The following TASP1 variants were observed in gnomAD, a reference collection of about 807,000 sequenced individuals.
TASP1 encodes taspase 1.
In TASP1, 16 loss-of-function variants were observed where a neutral mutation model predicts 56.6. The ratio of observed to expected loss-of-function variants is 0.28; its 90% CI spans 0.19 to 0.43. TASP1 has a LOEUF of 0.43. Among genes scored for constraint, TASP1 ranks in the 20% least tolerant of loss-of-function variants. The pLI is 1.00. For synonymous variants in TASP1, 179 were observed against 184.2 expected, an observed-to-expected ratio of 0.97 and a Z score of 0.23; for missense variants, 393 against 511.6, an observed-to-expected ratio of 0.77 and a Z score of 2.24.
chr20:13,605,071 GA>G (rs2048101113), intron 4 of TASP1, among the ~76,000 whole-genome samples: 1 of 150,424 alleles, frequency 6.6e-6, no homozygotes, highest in Admixed American at 6.6e-5. Context: ...GTGAGTTAAA[GA>G]AGCCAGTCAC....
the TASP1 span, among the ~76,000 whole-genome samples, chr20:13,268,107 C>T: frequency 1.0e-5 from 1 of 98,632 alleles, no homozygotes; most frequent in Admixed American, 9.4e-5. Flanking sequence ...GCTCTCTCTC[C>T]TCTCCTGTCT....
chr20:13,359,181 C>G, the TASP1 span, among the ~76,000 whole-genome samples: 3 of 123,004 alleles, frequency 2.4e-5, 1 homozygote, highest in Non-Finnish European at 4.9e-5. Flanking sequence ...CTTCCAAACA[C>G]CTGAACCGCA....
the TASP1 span, among the ~76,000 whole-genome samples, chr20:13,328,661 T>G: frequency 6.6e-6 from 1 of 152,184 alleles, no homozygotes; most frequent in Non-Finnish European, 1.5e-5. Context: ...TGCAGGGACA[T>G]GCATGGAGTG....
At chr20:13,314,243 G>T in the TASP1 span, among the ~76,000 whole-genome samples, 1 of 152,028 alleles carries the variant, frequency 6.6e-6, no homozygotes, top group Admixed American at 6.5e-5. Flanking sequence ...TCAAATTAAT[G>T]GCAAACATAA....
chr20:13,395,807 T>C (rs900834107), intron 13 of TASP1, among the ~76,000 whole-genome samples: 1 of 151,746 alleles, frequency 6.6e-6, no homozygotes, highest in Non-Finnish European at 1.5e-5. Flanking sequence ...GTTCAAGAGA[T>C]TCTCCTGCCT....
the TASP1 span, among the ~76,000 whole-genome samples, chr20:13,334,277 T>C: frequency 6.6e-6 from 1 of 152,232 alleles, no homozygotes; most frequent in Non-Finnish European, 1.5e-5. Context: ...GTGGAACTAA[T>C]ATCTACAAAC....
At chr20:13,329,509 C>T in the TASP1 span, among the ~76,000 whole-genome samples, 3 of 152,172 alleles carry the variant, frequency 2.0e-5, no homozygotes, top group African/African-American at 7.2e-5. Flanking sequence ...GTCTGTGGCA[C>T]TTTGTTACAG....
At chr20:13,219,272 T>C in the TASP1 span, among the ~76,000 whole-genome samples, 1 of 152,224 alleles carries the variant, frequency 6.6e-6, no homozygotes, top group African/African-American at 2.4e-5. Context: ...TGTGGGATTC[T>C]AGTTTGCCAT....
At chr20:13,318,250 G>T in the TASP1 span, among the ~76,000 whole-genome samples, 161 of 152,198 alleles carry the variant, frequency 1.1e-3, no homozygotes, top group African/African-American at 3.6e-3. Flanking sequence ...CACATCATAT[G>T]TCATCAGGGA....
At chr20:13,635,128 G>A (rs1451877258) in intron 1 of TASP1, among the ~76,000 whole-genome samples, 1 of 152,146 alleles carries the variant, frequency 6.6e-6, no homozygotes. Flanking sequence ...ACTTTGAATG[G>A]GTAAATTGAT....
chr20:13,251,254 C>T, the TASP1 span, among the ~76,000 whole-genome samples: 1 of 152,200 alleles, frequency 6.6e-6, no homozygotes, highest in African/African-American at 2.4e-5. Flanking sequence ...CATTCCATCT[C>T]ACCCCCCTTC....
intron 7 of TASP1, among the ~76,000 whole-genome samples, chr20:13,567,215 T>C (rs1443566399): frequency 6.6e-6 from 1 of 150,988 alleles, no homozygotes; most frequent in Non-Finnish European, 1.5e-5. Flanking sequence ...GGGAGCCAAA[T>C]GATGGAAACA....
the TASP1 span, among the ~76,000 whole-genome samples, chr20:13,342,191 A>T: frequency 5.2e-4 from 79 of 152,306 alleles, no homozygotes; most frequent in East Asian, 0.015. Context: ...GGAGCCACAC[A>T]TGTGGGCTGG....
intron 4 of TASP1, among the ~76,000 whole-genome samples, chr20:13,622,109 T>C (rs1360173423): frequency 6.6e-6 from 1 of 152,224 alleles, no homozygotes; most frequent in Admixed American, 6.5e-5. Context: ...ATACATACCA[T>C]TTCCAAAGCA....
At chr20:13,273,986 C>T in the TASP1 span, among the ~76,000 whole-genome samples, 16 of 152,254 alleles carry the variant, frequency 1.1e-4, no homozygotes, top group African/African-American at 3.4e-4. Flanking sequence ...GTATTGGTCA[C>T]TCAGAAAGAT....
chr20:13,476,530 A>T (rs943709228), intron 11 of TASP1, among the ~76,000 whole-genome samples: 1 of 152,110 alleles, frequency 6.6e-6, no homozygotes, highest in Non-Finnish European at 1.5e-5. Context: ...TACAGTGCTT[A>T]TTCACCTTAT....
chr20:13,417,012 A>G (rs1243034141), intron 13 of TASP1, among the ~76,000 whole-genome samples: 1 of 152,218 alleles, frequency 6.6e-6, no homozygotes, highest in Non-Finnish European at 1.5e-5. Context: ...CATGTCAGCC[A>G]CCTGTGCCAT....
the TASP1 span, among the ~76,000 whole-genome samples, chr20:13,151,775 T>C: frequency 6.6e-6 from 1 of 152,182 alleles, no homozygotes; most frequent in African/African-American, 2.4e-5. Flanking sequence ...AAATGTTAGA[T>C]GTCTGGGTAA....
At chr20:13,613,474 C>T (rs1698222339) in intron 4 of TASP1, among the ~76,000 whole-genome samples, 1 of 151,992 alleles carries the variant, frequency 6.6e-6, no homozygotes, top group Admixed American at 6.6e-5. Flanking sequence ...TAAGTCAATG[C>T]TTGTATAGGA....
Sources: gnomAD v4.1 joint callset for allele counts (sites outside exome capture counted in the v4.1 genomes callset) on GRCh38, gnomAD v4.1.1 for gene constraint, MANE v1.5 for transcripts, NCBI Gene and HGNC (gene_info 2026-07-23, HGNC 2026-07-21) for gene names.